The following PPARGC1A variants were observed in gnomAD, a reference collection of about 807,000 sequenced individuals.
PPARGC1A encodes the protein PPARG coactivator 1 alpha, also known as peroxisome proliferator-activated receptor gamma coactivator 1-alpha.
In PPARGC1A, 25 loss-of-function variants were observed where a neutral mutation model predicts 88.7. That is an observed-to-expected ratio of 0.28 (90% CI 0.21 to 0.39). PPARGC1A has a LOEUF of 0.39. Ranked by LOEUF, PPARGC1A falls within the 10% of genes least tolerant of loss-of-function variation. The probability of loss-of-function intolerance (pLI) is 1.00; values close to 1 mark genes in which losing one functional copy is unlikely to be tolerated. For synonymous variants in PPARGC1A, 363 were observed against 355.6 expected (o/e 1.02, Z -0.24); for missense variants, 880 against 968.7 (o/e 0.91, Z 1.22).
At chr4:24,071,609 G>A in the PPARGC1A span, among the ~76,000 whole-genome samples, 4 of 151,780 alleles carry the variant, frequency 2.6e-5, no homozygotes, top group South Asian at 2.1e-4. Flanking sequence ...TTGTATTCAC[G>A]TTAACTAGCA....
In PPARGC1A at chr4:23,793,090, A is replaced by G. The variant is rs952598185; in HGVS notation, c.*2732T>C. ...ATTGGTTCACAAAAATTTAAAGGCA[A>G]AATAGAGAACACATGTGGTCCTTGA... On this transcript the variant is annotated 3_prime_UTR_variant, in exon 13 of 13. Transcript: ENST00000264867. 1 of 152,590 alleles carries G rather than the reference A, an allele frequency of 6.6e-6. No individual in the cohort carries two copies. Among genetic ancestry groups the G allele is most frequent in the African/African-American group, 2.4e-5 (1 of 41,464 alleles). 9.5% of individuals were successfully genotyped at this position (152,590 alleles called of 1,614,324 possible). A position where few individuals can be genotyped will look rare whatever the true frequency, so the allele number is the denominator to read the frequency against.
chr4:24,074,321 T>C, the PPARGC1A span, among the ~76,000 whole-genome samples: 2 of 151,370 alleles, frequency 1.3e-5, no homozygotes, highest in Non-Finnish European at 2.9e-5. Context: ...CGTTTCCTCA[T>C]CTGTGAATGG....
At chr4:24,253,556 G>A in the PPARGC1A span, among the ~76,000 whole-genome samples, 9 of 152,106 alleles carry the variant, frequency 5.9e-5, no homozygotes, top group Admixed American at 3.3e-4. Context: ...AAATTGAGGG[G>A]GAATTTCAAA....
At chr4:23,844,620 T>C (rs1237309147) in intron 2 of PPARGC1A, among the ~76,000 whole-genome samples, 1 of 88,768 alleles carries the variant, frequency 1.1e-5, no homozygotes, top group Non-Finnish European at 1.9e-5. Context: ...TAATATATTA[T>C]ATTAATATAT....
intron 2 of PPARGC1A, among the ~76,000 whole-genome samples, chr4:23,865,436 G>T (rs1711710965): frequency 2.0e-5 from 3 of 152,278 alleles, no homozygotes; most frequent in Admixed American, 2.0e-4. Context: ...GGTAGTGATT[G>T]ACACTTAGCA....
the PPARGC1A span, among the ~76,000 whole-genome samples, chr4:23,963,559 G>A: frequency 6.6e-6 from 1 of 152,142 alleles, no homozygotes; most frequent in Non-Finnish European, 1.5e-5. Context: ...CTCACAGTCT[G>A]TTTGAAACAA....
the PPARGC1A span, among the ~76,000 whole-genome samples, chr4:24,216,430 G>A: frequency 6.6e-6 from 1 of 152,066 alleles, no homozygotes; most frequent in African/African-American, 2.4e-5. Context: ...TTACAGGCAT[G>A]AGCCATCACA....
the PPARGC1A span, among the ~76,000 whole-genome samples, chr4:24,012,366 G>A: frequency 1.3e-5 from 2 of 152,086 alleles, no homozygotes; most frequent in Non-Finnish European, 2.9e-5. Flanking sequence ...TGGTGGACCT[G>A]AACATATTAT....
chr4:23,865,550 A>G (rs901212143), intron 2 of PPARGC1A, among the ~76,000 whole-genome samples: 1 of 152,138 alleles, frequency 6.6e-6, no homozygotes, highest in Non-Finnish European at 1.5e-5. Context: ...TAGGGACTCT[A>G]TAAATGTCTT....
At chr4:23,905,717 T>C (rs1485045155), upstream of PPARGC1A, among the ~76,000 whole-genome samples, 1 of 152,250 alleles carries the variant, frequency 6.6e-6, no homozygotes, top group African/African-American at 2.4e-5. Flanking sequence ...CTAATCTGAT[T>C]CTAGGGATAA....
the PPARGC1A span, among the ~76,000 whole-genome samples, chr4:24,178,521 T>C: frequency 1.3e-5 from 2 of 152,348 alleles, no homozygotes; most frequent in South Asian, 4.1e-4. Context: ...TGATTTCTTG[T>C]ACAACATCAC....
At chr4:23,844,791 TATATG>T (rs1727936436) in intron 2 of PPARGC1A, among the ~76,000 whole-genome samples, 3 of 117,836 alleles carry the variant, frequency 2.5e-5, no homozygotes, top group African/African-American at 9.3e-5. Context: ...ATTATAATAA[TATATG>T]ATATATATTA....
chr4:24,041,108 T>C, the PPARGC1A span, among the ~76,000 whole-genome samples: 13 of 152,188 alleles, frequency 8.5e-5, no homozygotes, highest in Non-Finnish European at 1.6e-4. Flanking sequence ...GAATTCTCTA[T>C]TTGCTCTTCC....
the PPARGC1A span, among the ~76,000 whole-genome samples, chr4:24,460,698 C>A: frequency 2.6e-5 from 4 of 152,144 alleles, no homozygotes; most frequent in African/African-American, 9.7e-5. Context: ...AGCTATGTAA[C>A]CCTCTTCGTT....
the PPARGC1A span, among the ~76,000 whole-genome samples, chr4:24,058,901 T>C: frequency 6.6e-6 from 1 of 152,162 alleles, no homozygotes; most frequent in Admixed American, 6.5e-5. Flanking sequence ...GCCGAGATCA[T>C]GCCATTGCAC....
chr4:23,847,673 T>C (rs974797809), intron 2 of PPARGC1A, among the ~76,000 whole-genome samples: 3 of 152,284 alleles, frequency 2.0e-5, no homozygotes, highest in African/African-American at 4.8e-5. Context: ...AACAATTATA[T>C]AGGTATACCT....
At chr4:23,910,302 C>T in the PPARGC1A span, among the ~76,000 whole-genome samples, 5 of 49,026 alleles carry the variant, frequency 1.0e-4, no homozygotes, top group Middle Eastern at 9.6e-3. Context: ...TATATATTAA[C>T]CCTATATATA....
At chr4:24,249,094 T>C in the PPARGC1A span, among the ~76,000 whole-genome samples, 2 of 152,142 alleles carry the variant, frequency 1.3e-5, no homozygotes, top group East Asian at 1.9e-4. Context: ...GATCCTTCCA[T>C]CTAGACATGA....
upstream of PPARGC1A, among the ~76,000 whole-genome samples, chr4:23,907,601 A>C (rs1720200045): frequency 6.6e-6 from 1 of 152,174 alleles, no homozygotes; most frequent in African/African-American, 2.4e-5. Context: ...TTCCATCTCG[A>C]AAATGGGGAT....
Sources: gnomAD v4.1 joint callset for allele counts (sites outside exome capture counted in the v4.1 genomes callset) on GRCh38, gnomAD v4.1.1 for gene constraint, MANE v1.5 for transcripts, NCBI Gene and HGNC (gene_info 2026-07-23, HGNC 2026-07-21) for gene names.